PTPRK: variants seen among roughly 807,000 people sequenced by gnomAD.
The protein encoded by PTPRK is protein tyrosine phosphatase receptor type K, also known as receptor-type tyrosine-protein phosphatase kappa.
PTPRK carries 75 observed loss-of-function variants against 178.0 expected under a neutral mutation model. That is an observed-to-expected ratio of 0.42 (90% CI 0.35 to 0.51). The LOEUF (loss-of-function observed/expected upper bound fraction) is 0.51, where lower values mean the gene tolerates loss of function less well. Ranked by LOEUF, PTPRK falls within the 20% of genes least tolerant of loss-of-function variation. The pLI is 0.02. For missense variants in PTPRK, 1,441 were observed against 1,797.8 expected, an observed-to-expected ratio of 0.80 and a Z score of 3.59; for synonymous variants, 637 against 620.6, an observed-to-expected ratio of 1.03 and a Z score of -0.39.
Position 128,034,969 on chromosome 6 carries a change from T to A in PTPRK, c.2195-25701A>T, listed in dbSNP as rs192020299. On this transcript the variant is annotated intron_variant, in intron 13 of 29. Coordinates refer to ENST00000368226, the MANE Select transcript of PTPRK (RefSeq NM_002844.4). ...TAAAAGTGAAACAGACATGAAAATT[T>A]GCAAACTACTTAGTTTACATCCATT... Among the ~76,000 whole-genome samples the A allele has an allele frequency of 4.9e-4, 74 of 152,344 alleles. 1 individual carries two copies. The highest frequency in any genetic ancestry group is 4.7e-3 in the Admixed American group (72 of 15,302).
chr6:128,060,667 G>C (rs1412524519), intron 13 of PTPRK, among the ~76,000 whole-genome samples: 1 of 152,088 alleles, frequency 6.6e-6, no homozygotes, highest in Non-Finnish European at 1.5e-5. Flanking sequence ...TTCAGCTGAA[G>C]AAAACTCATT....
intron 3 of PTPRK, among the ~76,000 whole-genome samples, chr6:128,269,064 TAATG>T (rs1363280704): frequency 6.6e-6 from 1 of 152,036 alleles, no homozygotes; most frequent in Non-Finnish European, 1.5e-5. Flanking sequence ...TATGAACTCT[TAATG>T]AAGATGTTCA....
chr6:128,398,237 T>C (rs1344670721), intron 1 of PTPRK, among the ~76,000 whole-genome samples: 1 of 152,186 alleles, frequency 6.6e-6, no homozygotes, highest in Non-Finnish European at 1.5e-5. Context: ...CTCATGTAAA[T>C]GAAGTGGTGG....
At chr6:127,990,206 A>G (rs1368350453) in intron 21 of PTPRK, among the ~76,000 whole-genome samples, 2 of 151,882 alleles carry the variant, frequency 1.3e-5, no homozygotes, top group Non-Finnish European at 2.9e-5. Context: ...TTCATTTTGT[A>G]TTTCTTTCCC....
chr6:128,159,626 A>AAGCAG (rs1211132069), intron 7 of PTPRK, among the ~76,000 whole-genome samples: 1 of 151,820 alleles, frequency 6.6e-6, no homozygotes, highest in Non-Finnish European at 1.5e-5. Context: ...ACAGAATGAA[A>AAGCAG]AGCAAAGTCT....
intron 1 of PTPRK, among the ~76,000 whole-genome samples, chr6:128,515,240 A>T (rs1375811313): frequency 6.6e-6 from 1 of 152,250 alleles, no homozygotes; most frequent in Admixed American, 6.5e-5. Context: ...ATGTTCTGTG[A>T]CATTAAAAGA....
intron 6 of PTPRK, among the ~76,000 whole-genome samples, chr6:128,202,485 T>C (rs577464642): frequency 6.6e-6 from 1 of 151,908 alleles, no homozygotes; most frequent in East Asian, 1.9e-4. Flanking sequence ...CCAGGGAGGG[T>C]CACTACATAC....
chr6:128,094,317 G>A (rs934618465), intron 7 of PTPRK, among the ~76,000 whole-genome samples: 13 of 152,162 alleles, frequency 8.5e-5, no homozygotes, highest in Admixed American at 3.3e-4. Flanking sequence ...GACATTGAAT[G>A]TAGAGAAATC....
intron 13 of PTPRK, among the ~76,000 whole-genome samples, chr6:128,040,955 A>G (rs557773352): frequency 2.6e-5 from 4 of 152,254 alleles, no homozygotes; most frequent in African/African-American, 9.6e-5. Flanking sequence ...TGGCAAATCT[A>G]GAACTATGCT....
rs140567051 is a variant in PTPRK at position 128,407,744 on chromosome 6, C to T, written c.101-10056G>A. 3.2e-4 allele frequency among the ~76,000 whole-genome samples: 49 copies of T among 152,058 alleles called. No homozygotes were observed. The East Asian group carries it at 9.5e-3, about 29-fold the overall frequency. On this transcript the variant is annotated intron_variant, in intron 1 of 29. Coordinates refer to ENST00000368226, the MANE Select transcript of PTPRK (RefSeq NM_002844.4). ...AACATTCTTTCAATTTTCCCTCCAGCCCTTGCTCTAAAACATAATGACCAA... is the reference window on the plus strand; with the variant it reads ...AACATTCTTTCAATTTTCCCTCCAGTCCTTGCTCTAAAACATAATGACCAA...
intron 1 of PTPRK, among the ~76,000 whole-genome samples, chr6:128,512,265 T>C (rs1024608808): frequency 6.6e-6 from 1 of 152,200 alleles, no homozygotes; most frequent in Non-Finnish European, 1.5e-5. Context: ...ATAAATTATA[T>C]ATTTTATATT....
intron 7 of PTPRK, among the ~76,000 whole-genome samples, chr6:128,133,906 T>C (rs560889238): frequency 2.8e-4 from 43 of 152,238 alleles, no homozygotes; most frequent in African/African-American, 1.0e-3. Context: ...CCCTCACATA[T>C]TTATGGCAAC....
At position 128,104,890 on chromosome 6, in the gene PTPRK, C is replaced by T. The variant is rs1268684757; in HGVS notation, c.1163-14898G>A. Among the ~76,000 whole-genome samples the T allele has an allele frequency of 5.5e-4, 83 of 152,064 alleles. 1 individual carries two copies. Among genetic ancestry groups the T allele is most frequent in the Non-Finnish European group, 1.5e-5 (1 of 68,014 alleles). The stretch of plus-strand genomic sequence containing the variant: ...ATCAACTGAGAGGAGAGGAAAAGGT[C>T]ATTGTGAAACTTTGAAATGTTCCAA... On this transcript the variant is annotated intron_variant, in intron 7 of 29. Transcript: ENST00000368226.
At chr6:128,037,735 AGAT>A (rs769932380) in intron 13 of PTPRK, among the ~76,000 whole-genome samples, 6 of 152,114 alleles carry the variant, frequency 3.9e-5, no homozygotes, top group Non-Finnish European at 7.4e-5. Context: ...CAGATCAGGG[AGAT>A]GTATACATTA....
chr6:128,229,428 A>G (rs1260742883), intron 5 of PTPRK, among the ~76,000 whole-genome samples: 3 of 152,206 alleles, frequency 2.0e-5, no homozygotes, highest in Admixed American at 2.0e-4. Context: ...TAGGTATTTT[A>G]TCATTAAATA....
intron 7 of PTPRK, among the ~76,000 whole-genome samples, chr6:128,111,577 AGTTT>A (rs1562603381): frequency 1.3e-5 from 2 of 151,792 alleles, no homozygotes; most frequent in Admixed American, 6.6e-5. Context: ...CTGGAAATGT[AGTTT>A]TATGCTTACT....
chr6:128,154,140 T>C (rs573750147), intron 7 of PTPRK, among the ~76,000 whole-genome samples: 1 of 151,912 alleles, frequency 6.6e-6, no homozygotes, highest in East Asian at 1.9e-4. Context: ...GAGTCATAAT[T>C]GTTATGAATA....
intron 3 of PTPRK, among the ~76,000 whole-genome samples, chr6:128,255,345 C>G (rs1006107770): frequency 3.3e-5 from 5 of 151,996 alleles, no homozygotes; most frequent in Non-Finnish European, 5.9e-5. Context: ...ATTGAGAACA[C>G]AATATGGGAG....
chr6:128,516,828 T>G (rs1562683080), intron 1 of PTPRK, among the ~76,000 whole-genome samples: 2 of 152,056 alleles, frequency 1.3e-5, no homozygotes, highest in African/African-American at 2.4e-5. Flanking sequence ...GAACCAACAG[T>G]TAAACAAACA....
Sources: allele counts gnomAD v4.1 joint callset (sites outside exome capture counted in the v4.1 genomes callset), GRCh38; gene constraint gnomAD v4.1.1; transcripts MANE v1.5; gene names NCBI Gene and HGNC (gene_info 2026-07-23, HGNC 2026-07-21).